The following ASXL2 variants were observed in gnomAD, a reference collection of about 807,000 sequenced individuals.
The protein encoded by ASXL2 is putative Polycomb group protein ASXL2.
In ASXL2, 23 loss-of-function variants were observed where a neutral mutation model predicts 122.0. The ratio of observed to expected loss-of-function variants is 0.19; its 90% CI spans 0.14 to 0.27. The LOEUF (loss-of-function observed/expected upper bound fraction) is 0.27. ASXL2 is among the 10% of genes least tolerant of loss of function. ASXL2 has a pLI of 1.00. For missense variants in ASXL2, 1,518 were observed against 1,713.8 expected, an observed-to-expected ratio of 0.89 and a Z score of 2.02; for synonymous variants, 650 against 637.0, an observed-to-expected ratio of 1.02 and a Z score of -0.31.
At chr2:25,758,686 T>G (rs1363819470) in intron 9 of ASXL2, among the ~76,000 whole-genome samples, 2 of 151,842 alleles carry the variant, frequency 1.3e-5, no homozygotes, top group Admixed American at 6.6e-5. Flanking sequence ...TTTTGTTTTT[T>G]TTTTTTTTTA....
chr2:25,792,755 G>A (rs753819324), intron 5 of ASXL2, among the ~76,000 whole-genome samples: 6 of 151,474 alleles, frequency 4.0e-5, no homozygotes, highest in Admixed American at 6.6e-5. Context: ...ACAGGTGTGC[G>A]CCACCACACC....
chr2:25,746,991 C>T (rs930099024), intron 12 of ASXL2, among the ~76,000 whole-genome samples: 5 of 152,102 alleles, frequency 3.3e-5, no homozygotes, highest in Admixed American at 6.5e-5. Flanking sequence ...TATAAAATGG[C>T]GTAGTATTTG....
Position 25,744,304 on chromosome 2 carries a change from G to A in ASXL2, c.2033C>T (p.Ala678Val), listed in dbSNP as rs966099467. Residue 678 changes from alanine (A) to valine (V), a missense_variant, in exon 13 of 13, where the codon GCC becomes GTC. Physicochemically the swap from Ala to Val is moderately conservative, Grantham distance 64. Transcript: ENST00000435504. The surrounding 1 kb of genome is among the most constrained non-coding windows in gnomAD (Gnocchi z 4.7). ...AACTGAGGCGGCTGCAGCAGCTGCG[G>A]CGGCAGCGGCAGCTGCTGCCCTCTG... ...KAQRAAAAAA[A>V]AAAAAASVGG... The A allele has an allele frequency of 1.2e-6, 2 of 1,611,198 alleles. No homozygotes were observed. The highest frequency in any genetic ancestry group is 8.5e-7 in the Non-Finnish European group (1 of 1,179,204).
chr2:25,735,647 GGTTA>G lies in ASXL2; in HGVS notation c.*6378_*6381del, dbSNP rs1443858376. ...TTATTTACCCAACTGTGTTTGAAAGGGTTAGTTTAACAAAACACTAACTTACTGA... is the reference window on the plus strand; with the variant it reads ...TTATTTACCCAACTGTGTTTGAAAGGGTTTAACAAAACACTAACTTACTGA... On this transcript the variant is annotated 3_prime_UTR_variant, in exon 13 of 13. Transcript: ENST00000435504. 4 of 152,188 alleles carry G rather than the reference GGTTA, an allele frequency of 2.6e-5. No homozygotes were observed. Among genetic ancestry groups the G allele is most frequent in the South Asian group, 4.1e-4 (2 of 4,822 alleles). The allele number at this position is 152,188 out of a possible 1,614,324, so 9.4% of individuals were successfully genotyped here.
chr2:25,856,806 G>A, intron 1 of ASXL2: 2 of 1,172,494 alleles, frequency 1.7e-6, no homozygotes, highest in Non-Finnish European at 2.5e-6. Flanking sequence ...GTTGGTGACT[G>A]TCAGGTCATC....
chr2:25,835,264 G>A (rs1196633847), intron 3 of ASXL2, among the ~76,000 whole-genome samples: 3 of 152,118 alleles, frequency 2.0e-5, no homozygotes, highest in African/African-American at 4.8e-5. Context: ...GCATCCCAAC[G>A]CTTTTATAAG....
intron 4 of ASXL2, among the ~76,000 whole-genome samples, chr2:25,800,741 T>C (rs532721345): frequency 6.6e-6 from 1 of 152,326 alleles, no homozygotes; most frequent in African/African-American, 2.4e-5. Flanking sequence ...TCCCCATCTA[T>C]AAGGTGGGGA....
chr2:25,838,950 T>C (rs1440099254), intron 2 of ASXL2, among the ~76,000 whole-genome samples: 6 of 152,190 alleles, frequency 3.9e-5, no homozygotes, highest in African/African-American at 1.4e-4. Context: ...TTTAGATTCA[T>C]ACAAATGCAC....
At chr2:25,764,788 T>G (rs1466492538) in intron 8 of ASXL2, among the ~76,000 whole-genome samples, 1 of 152,236 alleles carries the variant, frequency 6.6e-6, no homozygotes, top group Non-Finnish European at 1.5e-5. Context: ...ATTTTTACTA[T>G]TTATGCATTC....
intron 5 of ASXL2, among the ~76,000 whole-genome samples, chr2:25,798,914 C>T (rs1398151071): frequency 6.6e-6 from 1 of 152,170 alleles, no homozygotes; most frequent in Non-Finnish European, 1.5e-5. Context: ...ATAGGATGTA[C>T]TCTCCCAACA....
Position 25,739,191 on chromosome 2 carries a change from T to C in ASXL2, c.*2838A>G, listed in dbSNP as rs1295264083. 3 of 153,540 alleles carry C rather than the reference T, an allele frequency of 2.0e-5. No homozygotes were observed. The highest frequency in any genetic ancestry group is 7.2e-5 in the African/African-American group (3 of 41,486). 9.5% of individuals were successfully genotyped at this position (153,540 alleles called of 1,614,324 possible). A position where few individuals can be genotyped will look rare whatever the true frequency, so the allele number is the denominator to read the frequency against. ...ATGCCTGACTAGTCACTGGAAATAA[T>C]GCCAGGTCATACCCTAAGAATAAGC... On this transcript the variant is annotated 3_prime_UTR_variant, in exon 13 of 13. Transcript: ENST00000435504.
chr2:25,796,619 A>G (rs192853544), intron 5 of ASXL2, among the ~76,000 whole-genome samples: 16 of 152,350 alleles, frequency 1.1e-4, no homozygotes, highest in Non-Finnish European at 1.3e-4. Flanking sequence ...ACCAAACGGA[A>G]TAAGAGCAAA....
rs1443579651 is a variant in ASXL2, at chr2:25,739,859, C to T, written c.*2170G>A. 4.5e-6 allele frequency: 1 copy of T among 220,448 alleles called. No individual in the cohort carries two copies. Among genetic ancestry groups the T allele is most frequent in the Non-Finnish European group, 9.1e-6 (1 of 110,116 alleles). The allele number at this position is 220,448 out of a possible 1,614,324, so 13.7% of individuals were successfully genotyped here. On this transcript the variant is annotated 3_prime_UTR_variant, in exon 13 of 13. Coordinates refer to ENST00000435504, the MANE Select transcript of ASXL2 (RefSeq NM_018263.6). Reference sequence around the variant, plus strand: ...TTAGCATGGAATCAATTCCAAAACTCTCAACCTCTTCCAGCATGCAGACCA... The same window carrying T: ...TTAGCATGGAATCAATTCCAAAACTTTCAACCTCTTCCAGCATGCAGACCA...
chr2:25,800,973 C>A (rs912986294), intron 4 of ASXL2, among the ~76,000 whole-genome samples: 1 of 152,210 alleles, frequency 6.6e-6, no homozygotes, highest in Non-Finnish European at 1.5e-5. Flanking sequence ...GTCACCCAGG[C>A]TGGAGTGCAG....
Position 25,744,935 on chromosome 2 carries a change from C to CACA in ASXL2, c.1861-460_1861-459insTGT, listed in dbSNP as rs2087914987. ...GGGAAAATACTTGCTCTTCTCTGTTCCACACACACACACACACACACACAC... is the reference window on the plus strand; with the variant it reads ...GGGAAAATACTTGCTCTTCTCTGTTCACACACACACACACACACACACACACAC... On this transcript the variant is annotated intron_variant, in intron 12 of 12. Coordinates refer to ENST00000435504, the MANE Select transcript of ASXL2 (RefSeq NM_018263.6). The surrounding 1 kb of genome is among the most constrained non-coding windows in gnomAD (Gnocchi z 4.7). Among the ~76,000 whole-genome samples the CACA allele has an allele frequency of 7.2e-5, 10 of 138,252 alleles. No homozygotes were observed. The highest frequency in any genetic ancestry group is 6.2e-5 in the Non-Finnish European group (4 of 64,312). The allele number at this position is 138,252 out of a possible 152,430, so 90.7% of individuals were successfully genotyped here.
intron 1 of ASXL2, chr2:25,856,384 T>TTTTTTTTTTC: frequency 2.0e-6 from 1 of 503,006 alleles, no homozygotes; most frequent in South Asian, 1.7e-5. Context: ...TTTTTTTTTT[T>TTTTTTTTTTC]GACACCAGTG....
chr2:25,869,534 T>C (rs2089943573), intron 1 of ASXL2, among the ~76,000 whole-genome samples: 1 of 152,032 alleles, frequency 6.6e-6, no homozygotes, highest in African/African-American at 2.4e-5. Flanking sequence ...AAAAAAAGTA[T>C]TTCACAGCCG....
intron 2 of ASXL2, among the ~76,000 whole-genome samples, chr2:25,842,694 A>G (rs988724958): frequency 1.1e-4 from 15 of 131,374 alleles, no homozygotes; most frequent in African/African-American, 2.5e-4. Context: ...AAGTGTGTGT[A>G]TATATATATA....
intron 3 of ASXL2, among the ~76,000 whole-genome samples, chr2:25,830,058 G>A (rs910980608): frequency 4.6e-5 from 7 of 152,180 alleles, no homozygotes; most frequent in African/African-American, 1.7e-4. Flanking sequence ...AGCAGCAGAG[G>A]TCAATGGGAG....
Sources: allele counts gnomAD v4.1 joint callset (sites outside exome capture counted in the v4.1 genomes callset), GRCh38; gene constraint gnomAD v4.1.1; non-coding constraint Gnocchi (gnomAD v3.1); transcripts MANE v1.5; gene names NCBI Gene and HGNC (gene_info 2026-07-23, HGNC 2026-07-21).